ZNF804B: variants seen among roughly 807,000 people sequenced by gnomAD.
ZNF804B encodes zinc finger 804B.
Under a neutral mutation model 101.4 loss-of-function variants are expected in ZNF804B, and 80 were observed. The observed-to-expected ratio is 0.79, with a 90% CI of 0.66 to 0.95. The LOEUF (loss-of-function observed/expected upper bound fraction) is 0.95, where lower values mean the gene tolerates loss of function less well. Among genes scored for constraint, ZNF804B ranks in the 40% least tolerant of loss-of-function variants. The probability of loss-of-function intolerance (pLI) is 0.00; values close to 1 mark genes in which losing one functional copy is unlikely to be tolerated. For missense variants in ZNF804B, 1,673 were observed against 1,561.9 expected (o/e 1.07, Z -1.20); for synonymous variants, 622 against 558.8 (o/e 1.11, Z -1.59).
intron 2 of ZNF804B, among the ~76,000 whole-genome samples, chr7:89,228,926 G>C (rs375304022): frequency 1.4e-3 from 217 of 152,328 alleles, no homozygotes; most frequent in African/African-American, 4.9e-3. Flanking sequence ...CGGGAAGGCA[G>C]CTAAGGCCGG....
At chr7:89,211,143 T>G (rs180826046) in intron 1 of ZNF804B, among the ~76,000 whole-genome samples, 38 of 152,314 alleles carry the variant, frequency 2.5e-4, no homozygotes, top group African/African-American at 8.2e-4. Context: ...AATGTCTTCT[T>G]TTGAGGAGTG....
chr7:88,816,077 A>G (rs1319846388), intron 1 of ZNF804B, among the ~76,000 whole-genome samples: 3 of 151,460 alleles, frequency 2.0e-5, no homozygotes, highest in Admixed American at 6.6e-5. Context: ...TCCGCACCCA[A>G]CTTCAAATTT....
chr7:88,854,406 T>TCTTTCTTCCTTCCTTC (rs1791501036), intron 1 of ZNF804B, among the ~76,000 whole-genome samples: 4 of 126,746 alleles, frequency 3.2e-5, no homozygotes, highest in African/African-American at 9.4e-5. Flanking sequence ...TTTCTTTCTT[T>TCTTTCTTCCTTCCTTC]CTTTCTTCCT....
intron 1 of ZNF804B, among the ~76,000 whole-genome samples, chr7:89,172,860 G>A (rs1791258021): frequency 1.3e-5 from 2 of 152,118 alleles, no homozygotes; most frequent in African/African-American, 4.8e-5. Flanking sequence ...CACTAGTAGT[G>A]TATATTTCAT....
At chr7:89,102,667 T>C (rs918506474) in intron 1 of ZNF804B, among the ~76,000 whole-genome samples, 1 of 152,042 alleles carries the variant, frequency 6.6e-6, no homozygotes, top group Non-Finnish European at 1.5e-5. Context: ...TCATTTGCTA[T>C]GCAGAAGCTT....
Position 88,824,187 on chromosome 7 carries a change from T to C in ZNF804B, c.108+64103T>C, listed in dbSNP as rs73393460. On this transcript the variant is annotated intron_variant, in intron 1 of 3. Coordinates refer to ENST00000333190, the MANE Select transcript of ZNF804B (RefSeq NM_181646.5). ...AAGCATTTGGTATATGAGGGTGATATGGTTTGCCTTTGTTTCCCCACCCAT... is the reference window on the plus strand; with the variant it reads ...AAGCATTTGGTATATGAGGGTGATACGGTTTGCCTTTGTTTCCCCACCCAT... Among the ~76,000 whole-genome samples the C allele has an allele frequency of 2.5e-3, 377 of 152,244 alleles. 3 individuals are homozygous for C. Among genetic ancestry groups the C allele is most frequent in the African/African-American group, 9.0e-3 (373 of 41,556 alleles).
At chr7:89,323,955 A>C (rs755419534) in intron 2 of ZNF804B, among the ~76,000 whole-genome samples, 7 of 152,098 alleles carry the variant, frequency 4.6e-5, no homozygotes, top group South Asian at 4.1e-4. Context: ...TGTCAGAACA[A>C]GGGGAGAAAA....
chr7:88,899,107 G>A (rs1206893889), intron 1 of ZNF804B, among the ~76,000 whole-genome samples: 1 of 152,148 alleles, frequency 6.6e-6, no homozygotes, highest in Non-Finnish European at 1.5e-5. Context: ...CACAGTGCCA[G>A]AGCTTCTGAT....
intron 1 of ZNF804B, among the ~76,000 whole-genome samples, chr7:89,208,227 G>A (rs1264633576): frequency 6.6e-6 from 1 of 152,032 alleles, no homozygotes; most frequent in African/African-American, 2.4e-5. Flanking sequence ...GACTACAGGT[G>A]CCAGCCACCA....
chr7:89,216,419 C>G (rs1562918853), intron 1 of ZNF804B, among the ~76,000 whole-genome samples: 2 of 152,212 alleles, frequency 1.3e-5, no homozygotes, highest in Non-Finnish European at 2.9e-5. Context: ...ATTCCCGTCT[C>G]ACTTCTCAAT....
intron 2 of ZNF804B, among the ~76,000 whole-genome samples, chr7:89,267,348 G>A (rs975232260): frequency 6.6e-6 from 1 of 152,112 alleles, no homozygotes; most frequent in African/African-American, 2.4e-5. Context: ...ATGTTATCAG[G>A]ATTCTGGTGG....
At chr7:88,957,325 C>T (rs896345876) in intron 1 of ZNF804B, among the ~76,000 whole-genome samples, 1 of 151,358 alleles carries the variant, frequency 6.6e-6, no homozygotes, top group African/African-American at 2.4e-5. Context: ...ACAACCATTG[C>T]ATTATGATTT....
intron 1 of ZNF804B, among the ~76,000 whole-genome samples, chr7:88,889,467 A>T (rs886212577): frequency 6.6e-6 from 1 of 152,090 alleles, no homozygotes; most frequent in African/African-American, 2.4e-5. Flanking sequence ...CTTTTTAATA[A>T]TTGCCATTCT....
chr7:88,908,998 C>A (rs1792511453), intron 1 of ZNF804B, among the ~76,000 whole-genome samples: 1 of 151,662 alleles, frequency 6.6e-6, no homozygotes, highest in Admixed American at 6.6e-5. Context: ...ATTTTTATGG[C>A]AAGTATCTTG....
intron 2 of ZNF804B, among the ~76,000 whole-genome samples, chr7:89,298,994 C>T (rs1034560965): frequency 1.3e-5 from 2 of 151,758 alleles, no homozygotes; most frequent in African/African-American, 4.8e-5. Context: ...AACTTGGAGA[C>T]CTTTATGGCC....
chr7:89,131,286 A>T (rs1350541055), intron 1 of ZNF804B, among the ~76,000 whole-genome samples: 1 of 152,070 alleles, frequency 6.6e-6, no homozygotes, highest in African/African-American at 2.4e-5. Flanking sequence ...GTAAACATGG[A>T]TTTATATTTA....
In ZNF804B at chr7:89,326,936, T is replaced by G. The variant is rs145544407; in HGVS notation, c.250-408T>G. On this transcript the variant is annotated intron_variant, in intron 2 of 3. Transcript: ENST00000333190. ...CCTGAAACAAGCTTATTCCACCCAG[T>G]GTATTTAATAGCATCACTTTTACAA... 3.2e-3 allele frequency among the ~76,000 whole-genome samples: 475 copies of G among 147,920 alleles called. 2 individuals are homozygous for G. Among genetic ancestry groups the G allele is most frequent in the African/African-American group, 0.012 (445 of 37,504 alleles).
chr7:88,917,798 G>C (rs1364185780), intron 1 of ZNF804B, among the ~76,000 whole-genome samples: 1 of 152,096 alleles, frequency 6.6e-6, no homozygotes, highest in Admixed American at 6.6e-5. Flanking sequence ...TGACACCTCT[G>C]TTTCCATTCT....
chr7:88,788,442 C>T (rs1007700628), intron 1 of ZNF804B, among the ~76,000 whole-genome samples: 3 of 152,202 alleles, frequency 2.0e-5, no homozygotes, highest in South Asian at 2.1e-4. Context: ...ACCACCCCAC[C>T]TCTTTTCATT....
Sources: gnomAD v4.1 joint callset for allele counts (sites outside exome capture counted in the v4.1 genomes callset) on GRCh38, gnomAD v4.1.1 for gene constraint, MANE v1.5 for transcripts, NCBI Gene and HGNC (gene_info 2026-07-23, HGNC 2026-07-21) for gene names.